Variants in NDST4 observed in about 807,000 individuals in gnomAD.
NDST4 encodes the protein N-deacetylase and N-sulfotransferase 4.
NDST4 carries 63 observed loss-of-function variants against 100.8 expected under a neutral mutation model. The ratio of observed to expected loss-of-function variants is 0.62; its 90% CI spans 0.51 to 0.77. The LOEUF (loss-of-function observed/expected upper bound fraction) is 0.77, where lower values mean the gene tolerates loss of function less well. NDST4 is among the 30% of genes least tolerant of loss of function. NDST4 has a pLI of 0.00. For synonymous variants in NDST4, 377 were observed against 361.8 expected (o/e 1.04, Z -0.48); for missense variants, 943 against 1,018.4 (o/e 0.93, Z 1.01).
At position 114,915,725 on chromosome 4, in the gene NDST4, T is replaced by C. The variant is rs137990223; in HGVS notation, c.1536+19481A>G. ...TATTATAAATGCCATTAAAAGTCAG[T>C]GGACAGTGTAATATTACTACATATT... On this transcript the variant is annotated intron_variant, in intron 6 of 13. Transcript: ENST00000264363. Among the ~76,000 whole-genome samples, 262 of 152,188 alleles carry C rather than the reference T, an allele frequency of 1.7e-3. 3 individuals are homozygous for C. Among genetic ancestry groups the C allele is most frequent in the African/African-American group, 6.0e-3 (248 of 41,530 alleles).
At chr4:115,002,487 C>T (rs1344899403) in intron 2 of NDST4, among the ~76,000 whole-genome samples, 1 of 152,154 alleles carries the variant, frequency 6.6e-6, no homozygotes, top group Non-Finnish European at 1.5e-5. Context: ...TGTGCAGAAG[C>T]TCTTTAGTTT....
chr4:114,922,407 C>T (rs1725307739), intron 6 of NDST4, among the ~76,000 whole-genome samples: 1 of 152,134 alleles, frequency 6.6e-6, no homozygotes, highest in South Asian at 2.1e-4. Flanking sequence ...TGCATGTGGA[C>T]AGCCTCCCCC....
At chr4:114,997,792 A>C (rs959044103) in intron 2 of NDST4, among the ~76,000 whole-genome samples, 8 of 152,016 alleles carry the variant, frequency 5.3e-5, no homozygotes, top group African/African-American at 1.9e-4. Flanking sequence ...GAGAACTATG[A>C]CTCATTATAA....
At chr4:115,055,965 T>C (rs1267382404) in intron 2 of NDST4, among the ~76,000 whole-genome samples, 5 of 152,186 alleles carry the variant, frequency 3.3e-5, no homozygotes, top group Non-Finnish European at 7.4e-5. Flanking sequence ...GTGTCATATT[T>C]TTTAAAAGAA....
At chr4:115,066,231 T>A (rs1026074119) in intron 2 of NDST4, among the ~76,000 whole-genome samples, 3 of 152,222 alleles carry the variant, frequency 2.0e-5, no homozygotes, top group African/African-American at 7.2e-5. Context: ...ATTACTGGTA[T>A]GTATTTTCTC....
chr4:115,001,691 A>G (rs1727293677), intron 2 of NDST4, among the ~76,000 whole-genome samples: 1 of 152,104 alleles, frequency 6.6e-6, no homozygotes. Context: ...ACCAAATAGG[A>G]CATTTTATTT....
intron 7 of NDST4, among the ~76,000 whole-genome samples, chr4:114,860,276 T>C (rs1723890889): frequency 6.6e-6 from 1 of 152,224 alleles, no homozygotes; most frequent in Non-Finnish European, 1.5e-5. Flanking sequence ...CATATACTCA[T>C]ATGGTGTAGT....
chr4:115,027,294 C>T (rs1728007425), intron 2 of NDST4, among the ~76,000 whole-genome samples: 1 of 152,118 alleles, frequency 6.6e-6, no homozygotes, highest in African/African-American at 2.4e-5. Flanking sequence ...GGATGGAAGA[C>T]AGAATTTGGC....
intron 1 of NDST4, among the ~76,000 whole-genome samples, chr4:115,080,191 C>A (rs1011597084): frequency 6.6e-6 from 1 of 152,150 alleles, no homozygotes; most frequent in Non-Finnish European, 1.5e-5. Context: ...GGCTGTAGTG[C>A]AGTGGCCTGA....
rs1026960851 is a variant in NDST4 at position 115,022,341 on chromosome 4, G to A, written c.979-45067C>T. Among the ~76,000 whole-genome samples, 23 of 121,068 alleles carry A rather than the reference G, an allele frequency of 1.9e-4. 2 individuals carry two copies. Among genetic ancestry groups the A allele is most frequent in the African/African-American group, 4.4e-4 (12 of 27,238 alleles). 79.4% of individuals were successfully genotyped at this position (121,068 alleles called of 152,430 possible). ...TGTTCCACATACATATGTGTTCCAC[G>A]TACATATGTGTTCCACGTACATATG... On this transcript the variant is annotated intron_variant, in intron 2 of 13. Coordinates refer to ENST00000264363, the MANE Select transcript of NDST4 (RefSeq NM_022569.3).
At chr4:114,987,196 C>A (rs1225729589) in intron 2 of NDST4, among the ~76,000 whole-genome samples, 2 of 151,930 alleles carry the variant, frequency 1.3e-5, no homozygotes, top group African/African-American at 4.8e-5. Flanking sequence ...ACGACATAAA[C>A]AAAATAATCA....
chr4:114,993,930 G>C (rs1195100098), intron 2 of NDST4, among the ~76,000 whole-genome samples: 2 of 151,962 alleles, frequency 1.3e-5, no homozygotes, highest in African/African-American at 2.4e-5. Flanking sequence ...ATTGCTAAAA[G>C]TATGATGCTT....
chr4:115,084,896 C>T (rs1347882483), intron 1 of NDST4, among the ~76,000 whole-genome samples: 5 of 152,070 alleles, frequency 3.3e-5, no homozygotes, highest in East Asian at 1.9e-4. Context: ...ACAGTCCCTA[C>T]TGTGGCACTG....
At chr4:114,968,615 G>C (rs1726436628) in intron 4 of NDST4, among the ~76,000 whole-genome samples, 1 of 152,088 alleles carries the variant, frequency 6.6e-6, no homozygotes, top group African/African-American at 2.4e-5. Context: ...ATTCGTAAAG[G>C]AATGAGTGTG....
intron 6 of NDST4, among the ~76,000 whole-genome samples, chr4:114,879,342 T>A (rs1344475079): frequency 6.6e-6 from 1 of 152,168 alleles, no homozygotes; most frequent in East Asian, 1.9e-4. Context: ...TAGGAAGAGA[T>A]TGTTAAATGG....
chr4:115,066,841 T>A (rs1728958181), intron 2 of NDST4, among the ~76,000 whole-genome samples: 1 of 152,180 alleles, frequency 6.6e-6, no homozygotes, highest in South Asian at 2.1e-4. Context: ...TGATGGCTCC[T>A]CTCTCCTGCA....
intron 2 of NDST4, among the ~76,000 whole-genome samples, chr4:115,020,137 A>G (rs565126978): frequency 7.4e-4 from 112 of 152,250 alleles, no homozygotes; most frequent in Non-Finnish European, 1.3e-3. Context: ...CATTAAGTGC[A>G]ATTCTGGCGA....
chr4:114,868,348 G>A (rs989492733), intron 7 of NDST4, among the ~76,000 whole-genome samples: 2 of 152,046 alleles, frequency 1.3e-5, no homozygotes, highest in African/African-American at 2.4e-5. Flanking sequence ...ATATTTTATA[G>A]AGAAAAGGGT....
chr4:114,933,564 G>A (rs746987220), intron 6 of NDST4, among the ~76,000 whole-genome samples: 16 of 146,566 alleles, frequency 1.1e-4, no homozygotes, highest in Non-Finnish European at 1.8e-4. Context: ...GAGTGAAAAA[G>A]ACAACCTATG....
Sources: allele counts gnomAD v4.1 joint callset (sites outside exome capture counted in the v4.1 genomes callset), GRCh38; gene constraint gnomAD v4.1.1; transcripts MANE v1.5; gene names NCBI Gene and HGNC (gene_info 2026-07-23, HGNC 2026-07-21).